Variants in SLC66A2 observed in about 807,000 individuals in gnomAD.
SLC66A2 encodes the protein solute carrier family 66 member 2.
In SLC66A2, 23 loss-of-function variants were observed where a neutral mutation model predicts 25.5. The ratio of observed to expected loss-of-function variants is 0.90; its 90% confidence interval spans 0.65 to 1.28. The LOEUF is 1.28. Among genes scored for constraint, SLC66A2 ranks in the 50% most tolerant of loss-of-function variants. SLC66A2 has a pLI of 0.00. For synonymous variants in SLC66A2, 193 were observed against 166.5 expected, an observed-to-expected ratio of 1.16 and a Z score of -1.23; for missense variants, 396 against 373.1, an observed-to-expected ratio of 1.06 and a Z score of -0.51.
chr18:79,933,415 T>G (rs1443355984), intron 4 of SLC66A2, among the ~76,000 whole-genome samples: 1 of 152,126 alleles, frequency 6.6e-6, no homozygotes, highest in Non-Finnish European at 1.5e-5. Context: ...ATAACCAGGA[T>G]AAGCAATAAA....
At chr18:79,934,340 G>A (rs146299495) in intron 3 of SLC66A2, among the ~76,000 whole-genome samples, 4 of 152,288 alleles carry the variant, frequency 2.6e-5, no homozygotes, top group South Asian at 2.1e-4. Context: ...ATGGGAGCCC[G>A]TCACAAGCGT....
At chr18:79,919,093 C>A (rs1041649206) in intron 5 of SLC66A2, 91 bp downstream of exon 5, 3 of 1,167,960 alleles carry the variant, frequency 2.6e-6, no homozygotes, top group South Asian at 1.4e-5. Context: ...AAATACACAG[C>A]CAGACACACA....
At chr18:79,925,523 C>T (rs1221642148) in intron 4 of SLC66A2, among the ~76,000 whole-genome samples, 1 of 152,232 alleles carries the variant, frequency 6.6e-6, no homozygotes, top group Non-Finnish European at 1.5e-5. Flanking sequence ...CCCTGGCATG[C>T]ACTGAGCAGA....
intron 4 of SLC66A2, among the ~76,000 whole-genome samples, chr18:79,928,616 AG>A (rs1986250181): frequency 6.6e-6 from 1 of 152,210 alleles, no homozygotes; most frequent in African/African-American, 2.4e-5. Context: ...AAGTGGCAGC[AG>A]GAACAGCAAC....
chr18:79,933,981 G>C lies in SLC66A2; in HGVS notation c.379C>G (p.Arg127Gly). The C allele has an allele frequency of 6.2e-7, 1 of 1,612,456 alleles. No individual in the cohort carries two copies. Among genetic ancestry groups the C allele is most frequent in the Non-Finnish European group, 8.5e-7 (1 of 1,179,520 alleles). ...KDEEVKVAPR[R>G]SFLDFDPHHF... is the part of the protein sequence containing the mutation. ...GCAGGGTACATACCCAGGAAGGACC[G>C]CCTGGGGGCAACCTTGACTTCTTCA... Residue 127 changes from arginine (R) to glycine (G), a missense_variant, in exon 4 of 6, where the codon CGG becomes GGG. Physicochemically the swap from Arg to Gly is moderately radical, Grantham distance 125. Coordinates refer to ENST00000397778, the MANE Select transcript of SLC66A2 (RefSeq NM_025078.5).
At chr18:79,945,702 G>T (rs1004504087) in intron 2 of SLC66A2, among the ~76,000 whole-genome samples, 2 of 152,240 alleles carry the variant, frequency 1.3e-5, no homozygotes, top group Non-Finnish European at 2.9e-5. Context: ...CAGGAGTGCA[G>T]GGGGCACGGG....
At chr18:79,910,600 T>A (rs1982968310) in intron 5 of SLC66A2, among the ~76,000 whole-genome samples, 1 of 152,240 alleles carries the variant, frequency 6.6e-6, no homozygotes, top group Admixed American at 6.5e-5. Context: ...TTAAGGCAAG[T>A]TTAAGCTGTA....
At position 79,904,109 on chromosome 18, in the gene SLC66A2, A is replaced by G; in HGVS notation, c.683T>C (p.Leu228Pro). ...TAYFLLKGAP[L>P]QFSVCGLLQV... ...CAGCAGGCCGCACACGGAGAACTGCAGAGGGGCACCCTTCAGCAGGAAGTA... is the reference window on the plus strand; with the variant it reads ...CAGCAGGCCGCACACGGAGAACTGCGGAGGGGCACCCTTCAGCAGGAAGTA... The change falls in exon 6 of 6, where the codon CTG (leucine) becomes CCG (proline). Residue 228 changes from leucine (L) to proline (P), a missense_variant. Transcript: ENST00000397778. The surrounding 1 kb of genome is among the most constrained non-coding windows in gnomAD (Gnocchi z 6.3). The G allele has an allele frequency of 1.2e-6, 2 of 1,613,004 alleles. No individual in the cohort carries two copies. Among genetic ancestry groups the G allele is most frequent in the South Asian group, 2.2e-5 (2 of 91,080 alleles).
At chr18:79,912,789 C>T (rs115055987) in intron 5 of SLC66A2, among the ~76,000 whole-genome samples, 2,152 of 152,216 alleles carry the variant, frequency 0.014, 40 homozygotes, top group African/African-American at 0.046. Flanking sequence ...CCAGAGCCTC[C>T]GCTGAACCCT....
intron 4 of SLC66A2, among the ~76,000 whole-genome samples, chr18:79,930,908 A>G (rs1260317051): frequency 3.9e-5 from 6 of 152,242 alleles, no homozygotes; most frequent in Non-Finnish European, 8.8e-5. Context: ...ATATGTAGAC[A>G]AAATATGTAT....
At chr18:79,939,423 A>C (rs557661402) in intron 3 of SLC66A2, among the ~76,000 whole-genome samples, 34 of 152,258 alleles carry the variant, frequency 2.2e-4, no homozygotes, top group Admixed American at 4.6e-4. Flanking sequence ...CTGCATAGCA[A>C]AAGAAACTAT....
intron 2 of SLC66A2, among the ~76,000 whole-genome samples, chr18:79,945,618 G>A (rs768590303): frequency 6.6e-6 from 1 of 152,216 alleles, no homozygotes; most frequent in Non-Finnish European, 1.5e-5. Context: ...AGGACGGCCA[G>A]CAGCAAAGAG....
At position 79,904,864 on chromosome 18, in the gene SLC66A2, A is replaced by T. The variant is rs564767734; in HGVS notation, c.609-681T>A. ...TGCACTTTCCCGTGTGAAATGTTTA[A>T]ATCAGCGGCCGCTGACCCTTCCACA... On this transcript the variant is annotated intron_variant, in intron 5 of 5. Transcript: ENST00000397778. This position sits in a 1 kb window ranked among gnomAD's most constrained non-coding sequence, Gnocchi z 6.3. Among the ~76,000 whole-genome samples, 139 of 152,278 alleles carry T rather than the reference A, an allele frequency of 9.1e-4. 1 individual carries two copies. The highest frequency in any genetic ancestry group is 3.2e-3 in the African/African-American group (135 of 41,576).
chr18:79,916,260 G>A lies in SLC66A2; in HGVS notation c.608+2924C>T, dbSNP rs1384940248. 7.5e-4 allele frequency among the ~76,000 whole-genome samples: 35 copies of A among 46,594 alleles called. 2 individuals are homozygous for A. Among genetic ancestry groups the A allele is most frequent in the Non-Finnish European group, 1.9e-3 (31 of 16,264 alleles). The allele number at this position is 46,594 out of a possible 152,430, so 30.6% of individuals were successfully genotyped here. ...CCGTACCCGTGGTGCTCTCATAGCC[G>A]CAGTGCTCCCGTACCCGTGGTGCTC... On this transcript the variant is annotated intron_variant, in intron 5 of 5. Coordinates refer to ENST00000397778, the MANE Select transcript of SLC66A2 (RefSeq NM_025078.5).
At chr18:79,919,586 A>T (rs775271312) in intron 4 of SLC66A2, among the ~76,000 whole-genome samples, 186 bp from the exon 5 acceptor site, 9 of 9,740 alleles carry the variant, frequency 9.2e-4, no homozygotes, top group African/African-American at 1.1e-3. Flanking sequence ...GTGAGGAGAG[A>T]CGGGAACCGA....
intron 4 of SLC66A2, among the ~76,000 whole-genome samples, chr18:79,926,917 G>C (rs1323249912): frequency 6.6e-6 from 1 of 152,106 alleles, no homozygotes; most frequent in Admixed American, 6.5e-5. Flanking sequence ...GCACTTTGGC[G>C]CTCCCTGGAG....
chr18:79,913,504 A>G (rs1165233893), intron 5 of SLC66A2, among the ~76,000 whole-genome samples: 1 of 152,252 alleles, frequency 6.6e-6, no homozygotes, highest in Non-Finnish European at 1.5e-5. Context: ...AGAAACTACA[A>G]CCACGTAGTA....
At chr18:79,916,683 C>T (rs544439534) in intron 5 of SLC66A2, among the ~76,000 whole-genome samples, 34 of 152,384 alleles carry the variant, frequency 2.2e-4, no homozygotes, top group Non-Finnish European at 3.7e-4. Context: ...GCCGTGAGGG[C>T]GGCAGCCCCA....
rs1392338011 is a variant in SLC66A2, at chr18:79,940,211, C to G, written c.337+3118G>C. On this transcript the variant is annotated intron_variant, in intron 3 of 5. Transcript: ENST00000397778. This position sits in a 1 kb window ranked among gnomAD's most constrained non-coding sequence, Gnocchi z 4.1. Reference sequence around the variant, plus strand: ...CACATGGACACACAGAGGGGAACAACAGCCACTAGAGCCTGTCGGGGGGTG... The same window carrying G: ...CACATGGACACACAGAGGGGAACAAGAGCCACTAGAGCCTGTCGGGGGGTG... Among the ~76,000 whole-genome samples, 1 of 152,156 alleles carries G rather than the reference C, an allele frequency of 6.6e-6. No homozygotes were observed.
Sources: allele counts gnomAD v4.1 joint callset (sites outside exome capture counted in the v4.1 genomes callset), GRCh38; gene constraint gnomAD v4.1.1; non-coding constraint Gnocchi (gnomAD v3.1); transcripts MANE v1.5; gene names NCBI Gene and HGNC (gene_info 2026-07-23, HGNC 2026-07-21).